Variants in ATP11A observed in about 807,000 individuals in gnomAD.
The protein encoded by ATP11A is ATPase phospholipid transporting 11A, also known as phospholipid-transporting ATPase IH.
Under a neutral mutation model 154.4 loss-of-function variants are expected in ATP11A, and 81 were observed. That is an observed-to-expected ratio of 0.52 (90% confidence interval 0.44 to 0.63). ATP11A has a LOEUF of 0.63. Ranked by LOEUF, ATP11A falls within the 30% of genes least tolerant of loss-of-function variation. ATP11A has a pLI of 0.00. For synonymous variants in ATP11A, 623 were observed against 585.9 expected (o/e 1.06, Z -0.91); for missense variants, 1,316 against 1,474.3 (o/e 0.89, Z 1.76).
chr13:112,855,597 TA>T (rs1298854925), intron 19 of ATP11A, among the ~76,000 whole-genome samples: 1 of 152,080 alleles, frequency 6.6e-6, no homozygotes, highest in Non-Finnish European at 1.5e-5. Context: ...AGGTTGAGAG[TA>T]AAGACCAACC....
intron 1 of ATP11A, among the ~76,000 whole-genome samples, chr13:112,762,853 C>T (rs1414887034): frequency 6.6e-6 from 1 of 152,206 alleles, no homozygotes; most frequent in East Asian, 1.9e-4. Context: ...CACTCAGTCA[C>T]GTGTGTGCCG....
intron 17 of ATP11A, among the ~76,000 whole-genome samples, chr13:112,846,052 G>A (rs1289017766): frequency 3.3e-5 from 5 of 152,172 alleles, no homozygotes; most frequent in Non-Finnish European, 7.3e-5. Context: ...TTCTCCTGGG[G>A]ACCCTCCTGT....
chr13:112,783,504 G>C (rs1339004253), intron 1 of ATP11A, among the ~76,000 whole-genome samples: 1 of 152,226 alleles, frequency 6.6e-6, no homozygotes, highest in Admixed American at 6.5e-5. Flanking sequence ...CCGTGCCTGC[G>C]GCGAGGAGTG....
intron 2 of ATP11A, among the ~76,000 whole-genome samples, chr13:112,802,121 G>T (rs1037390087): frequency 6.6e-6 from 1 of 152,100 alleles, no homozygotes; most frequent in African/African-American, 2.4e-5. Context: ...GAGGCGGGCG[G>T]ATCACGAGGT....
chr13:112,862,019 A>G (rs567780941), intron 24 of ATP11A, among the ~76,000 whole-genome samples: 1 of 94,642 alleles, frequency 1.1e-5, no homozygotes, highest in Admixed American at 1.3e-4. Context: ...CAGCAGGCGT[A>G]AGGCGTCACG....
chr13:112,776,938 G>A (rs1176096123), intron 1 of ATP11A, among the ~76,000 whole-genome samples: 1 of 152,194 alleles, frequency 6.6e-6, no homozygotes, highest in Admixed American at 6.5e-5. Flanking sequence ...CCTGGCCTGA[G>A]ATTAATATCT....
chr13:112,766,438 A>G (rs1185759213), intron 1 of ATP11A, among the ~76,000 whole-genome samples: 1 of 152,174 alleles, frequency 6.6e-6, no homozygotes, highest in African/African-American at 2.4e-5. Flanking sequence ...AGAGGCTGTC[A>G]CAGGGCATTC....
intron 5 of ATP11A, among the ~76,000 whole-genome samples, chr13:112,811,161 AACACAC>A (rs10695491): frequency 1.5e-3 from 171 of 115,592 alleles, no homozygotes; most frequent in East Asian, 4.9e-3. Flanking sequence ...TGCCCCTTCC[AACACAC>A]ACACACACAC....
chr13:112,760,126 C>T (rs1420832746), intron 1 of ATP11A, among the ~76,000 whole-genome samples: 1 of 152,232 alleles, frequency 6.6e-6, no homozygotes, highest in Non-Finnish European at 1.5e-5. Context: ...CATTTAACAT[C>T]TTATAAACAA....
chr13:112,820,411 G>C (rs1248353575), intron 8 of ATP11A, among the ~76,000 whole-genome samples: 5 of 152,208 alleles, frequency 3.3e-5, no homozygotes, highest in African/African-American at 1.2e-4. Context: ...CCTATCTGAG[G>C]CTCACACCTA....
chr13:112,826,619 G>A lies in ATP11A; in HGVS notation c.1024-75G>A, dbSNP rs780167952. On this transcript the variant is annotated intron_variant, in intron 11 of 29. Coordinates refer to ENST00000375645, the MANE Select transcript of ATP11A (RefSeq NM_015205.3). ...TCGTATAACTTATGCCTAAGCCTGA[G>A]GTGTTAGAGCAGCATGTTGGAGGCC... is the stretch of plus-strand genomic sequence containing the variant. 4.7e-5 allele frequency: 54 copies of A among 1,157,924 alleles called. 1 individual carries two copies. The highest frequency in any genetic ancestry group is 6.5e-5 in the Non-Finnish European group (50 of 766,600). 71.7% of individuals were successfully genotyped at this position (1,157,924 alleles called of 1,614,324 possible).
intron 1 of ATP11A, among the ~76,000 whole-genome samples, 192 bp from the exon 2 acceptor site, chr13:112,784,943 T>C (rs2077586658): frequency 6.6e-6 from 1 of 152,204 alleles, no homozygotes; most frequent in African/African-American, 2.4e-5. Context: ...CCTTGGCCCA[T>C]GAGGGCTGCG....
At position 112,860,269 on chromosome 13, in the gene ATP11A, G is replaced by C. The variant is rs2080063064; in HGVS notation, c.2728-18G>C. 6.2e-7 allele frequency: 1 copy of C among 1,607,290 alleles called. No individual in the cohort carries two copies. The highest frequency in any genetic ancestry group is 1.3e-5 in the African/African-American group (1 of 74,718). ...ACAATGCACTGAGGTGCCACTTCTTGTGACTTTCCTCTTACAGACTTTGTA... is the reference window on the plus strand; with the variant it reads ...ACAATGCACTGAGGTGCCACTTCTTCTGACTTTCCTCTTACAGACTTTGTA... On this transcript the variant is annotated intron_variant, in intron 23 of 29. Transcript: ENST00000375645.
In ATP11A at chr13:112,875,806, C is replaced by A; in HGVS notation, c.3192C>A (p.Tyr1064Ter). 6.2e-7 allele frequency: 1 copy of A among 1,613,984 alleles called. No individual in the cohort carries two copies. Among genetic ancestry groups the A allele is most frequent in the Non-Finnish European group, 8.5e-7 (1 of 1,180,012 alleles). The stretch of plus-strand genomic sequence containing the variant: ...TCCTCAACTACCAGAGGATGTACTA[C>A]GTGTTCATCCAGATGCTGTCCAGCG... ...WPFLNYQRMY[Y>*]VFIQMLSSGP... Residue 1064 changes from tyrosine (Y) to a stop codon, truncating the protein, a stop_gained, in exon 28 of 30, where the codon TAC becomes TAA. Coordinates refer to ENST00000375645, the MANE Select transcript of ATP11A (RefSeq NM_015205.3). LOFTEE classifies it high-confidence loss of function. This position sits in a 1 kb window ranked among gnomAD's most constrained non-coding sequence, Gnocchi z 4.1.
At chr13:112,789,323 G>A (rs958970248) in intron 2 of ATP11A, among the ~76,000 whole-genome samples, 1 of 143,384 alleles carries the variant, frequency 7.0e-6, no homozygotes, top group Non-Finnish European at 1.5e-5. Context: ...GACCTCTGTG[G>A]AGACCTACTT....
At chr13:112,834,940 G>A (rs2079191641) in intron 15 of ATP11A, among the ~76,000 whole-genome samples, 1 of 152,224 alleles carries the variant, frequency 6.6e-6, no homozygotes, top group South Asian at 2.1e-4. Flanking sequence ...TGTCAAATAT[G>A]TTTTGGGTTA....
intron 1 of ATP11A, among the ~76,000 whole-genome samples, chr13:112,780,360 C>T (rs1205185900): frequency 6.6e-6 from 1 of 152,086 alleles, no homozygotes; most frequent in Non-Finnish European, 1.5e-5. Context: ...CCATCAGCAG[C>T]CATTTGCCCA....
intron 4 of ATP11A, among the ~76,000 whole-genome samples, chr13:112,810,267 C>T (rs969149053): frequency 6.6e-6 from 1 of 152,240 alleles, no homozygotes; most frequent in South Asian, 2.1e-4. Flanking sequence ...AAGGCTTGCT[C>T]ATCATTTCAT....
At chr13:112,712,361 C>A (rs1037065014) in intron 1 of ATP11A, among the ~76,000 whole-genome samples, 2 of 152,196 alleles carry the variant, frequency 1.3e-5, no homozygotes, top group African/African-American at 4.8e-5. Flanking sequence ...CTCCAGCAGC[C>A]TTGGAGCTAG....
Sources: allele counts gnomAD v4.1 joint callset (sites outside exome capture counted in the v4.1 genomes callset), GRCh38; gene constraint gnomAD v4.1.1; non-coding constraint Gnocchi (gnomAD v3.1); transcripts MANE v1.5; gene names NCBI Gene and HGNC (gene_info 2026-07-23, HGNC 2026-07-21).